The following MERTK variants were observed in gnomAD, a reference collection of about 807,000 sequenced individuals.
MERTK encodes the protein MER proto-oncogene, tyrosine kinase.
A neutral mutation model predicts 99.3 loss-of-function variants in MERTK; 69 were observed. That is an observed-to-expected ratio of 0.70 (90% CI 0.57 to 0.85). MERTK has a LOEUF of 0.85. MERTK is among the 40% of genes least tolerant of loss of function. MERTK has a pLI of 0.00. For missense variants in MERTK, 1,125 were observed against 1,249.4 expected, an observed-to-expected ratio of 0.90 and a Z score of 1.50; for synonymous variants, 426 against 467.6, an observed-to-expected ratio of 0.91 and a Z score of 1.15.
At chr2:111,910,419 G>A (rs1209533820) in intron 1 of MERTK, among the ~76,000 whole-genome samples, 1 of 151,980 alleles carries the variant, frequency 6.6e-6, no homozygotes, top group East Asian at 1.9e-4. Context: ...ACAGGCGCCT[G>A]CCACCACGCC....
chr2:112,017,014 T>C (rs907767703), intron 15 of MERTK, among the ~76,000 whole-genome samples: 3 of 152,128 alleles, frequency 2.0e-5, no homozygotes, highest in Admixed American at 6.5e-5. Context: ...AGCAGCAAGA[T>C]TTATTGTGAA....
chr2:111,969,218 C>T lies in MERTK; in HGVS notation c.960+966C>T, dbSNP rs537881392. ...CAGGGGCTTTGCAAACATTATCTTA[C>T]TTAACACACGCTGCACTGCAGGCTC... is the stretch of plus-strand genomic sequence containing the variant. On this transcript the variant is annotated intron_variant, in intron 6 of 18. Transcript: ENST00000295408. Among the ~76,000 whole-genome samples the T allele has an allele frequency of 2.6e-5, 4 of 152,236 alleles. No individual in the cohort carries two copies. In the East Asian group the frequency reaches 7.7e-4, roughly 29 times the overall value.
chr2:111,921,873 G>C (rs1996330), intron 1 of MERTK, among the ~76,000 whole-genome samples: 79,449 of 151,918 alleles, frequency 0.52, 20,931 homozygotes, highest in Middle Eastern at 0.56. Context: ...GAGCCACCAC[G>C]CCTAGCCTGG....
At chr2:111,987,089 A>G (rs1573621720) in intron 8 of MERTK, among the ~76,000 whole-genome samples, 2 of 152,362 alleles carry the variant, frequency 1.3e-5, no homozygotes, top group East Asian at 3.9e-4. Flanking sequence ...TTTCATTTTT[A>G]GATAACTGAT....
In MERTK at chr2:112,029,367, A is replaced by G. The variant is rs1457989822; in HGVS notation, c.*503A>G. On this transcript the variant is annotated 3_prime_UTR_variant, in exon 19 of 19. Coordinates refer to ENST00000295408, the MANE Select transcript of MERTK (RefSeq NM_006343.3). Reference sequence around the variant, plus strand: ...CTTCCTAATAAAATATGAATAAGGAAGGATATGTTGAACTTACTTGAGACT... The same window carrying G: ...CTTCCTAATAAAATATGAATAAGGAGGGATATGTTGAACTTACTTGAGACT... 1.1e-6 allele frequency: 1 copy of G among 939,688 alleles called. No homozygotes were observed. The highest frequency in any genetic ancestry group is 1.8e-5 in the African/African-American group (1 of 56,116). The allele number at this position is 939,688 out of a possible 1,614,324, so 58.2% of individuals were successfully genotyped here.
At chr2:111,947,180 G>T (rs1684974088) in intron 3 of MERTK, among the ~76,000 whole-genome samples, 1 of 152,110 alleles carries the variant, frequency 6.6e-6, no homozygotes, top group South Asian at 2.1e-4. Flanking sequence ...GGCTGAGGCA[G>T]GAGAATCACT....
intron 10 of MERTK, among the ~76,000 whole-genome samples, chr2:112,000,208 AG>A (rs974485710): frequency 4.6e-4 from 70 of 152,326 alleles, no homozygotes; most frequent in Admixed American, 2.6e-3. Context: ...TGCAGGTCAC[AG>A]GGGATATGAT....
intron 14 of MERTK, among the ~76,000 whole-genome samples, chr2:112,009,556 C>CTT (rs1381244823): frequency 6.6e-6 from 1 of 152,188 alleles, no homozygotes; most frequent in East Asian, 1.9e-4. Context: ...TCAGTATTGA[C>CTT]TTTGAGGGTT....
chr2:112,006,200 T>A (rs760446725), intron 13 of MERTK, among the ~76,000 whole-genome samples: 3 of 152,058 alleles, frequency 2.0e-5, no homozygotes, highest in Non-Finnish European at 2.9e-5. Context: ...GAAGCTTAAT[T>A]CAGCTATAAA....
chr2:111,951,354 C>A (rs1685051322), intron 4 of MERTK, among the ~76,000 whole-genome samples: 1 of 151,750 alleles, frequency 6.6e-6, no homozygotes, highest in South Asian at 2.1e-4. Flanking sequence ...CGGTTCTATT[C>A]TTTGTTTCTG....
At chr2:112,026,774 T>C (rs1290281575) in intron 18 of MERTK, among the ~76,000 whole-genome samples, 1 of 152,216 alleles carries the variant, frequency 6.6e-6, no homozygotes, top group African/African-American at 2.4e-5. Flanking sequence ...GATATTATTA[T>C]ACATCTACGT....
At chr2:112,001,433 T>A in intron 11 of MERTK, 147 bp downstream of exon 11, 1 of 729,942 alleles carries the variant, frequency 1.4e-6, no homozygotes, top group Non-Finnish European at 2.4e-6. Flanking sequence ...AAGCAGCAAG[T>A]AGATAGCCAG....
In MERTK at chr2:112,029,417, C is replaced by T; in HGVS notation, c.*553C>T. The T allele has an allele frequency of 1.2e-6, 1 of 848,310 alleles. No individual in the cohort carries two copies. The highest frequency in any genetic ancestry group is 5.4e-5 in the South Asian group (1 of 18,514). 52.5% of individuals were successfully genotyped at this position (848,310 alleles called of 1,614,324 possible). A position where few individuals can be genotyped will look rare whatever the true frequency, so the allele number is the denominator to read the frequency against. ...TTGAAAGACAGTGGTCGGCAGCGGCCTTGTGGCCTTTGCAAAGGAATTCCC... is the reference window on the plus strand; with the variant it reads ...TTGAAAGACAGTGGTCGGCAGCGGCTTTGTGGCCTTTGCAAAGGAATTCCC... On this transcript the variant is annotated 3_prime_UTR_variant, in exon 19 of 19. Coordinates refer to ENST00000295408, the MANE Select transcript of MERTK (RefSeq NM_006343.3).
chr2:111,966,512 A>G (rs1195742387), intron 5 of MERTK, among the ~76,000 whole-genome samples: 1 of 152,232 alleles, frequency 6.6e-6, no homozygotes, highest in Non-Finnish European at 1.5e-5. Context: ...ATTTTCATGA[A>G]GTATAAACCT....
At chr2:111,991,472 C>T (rs899507504) in intron 8 of MERTK, among the ~76,000 whole-genome samples, 4 of 152,178 alleles carry the variant, frequency 2.6e-5, no homozygotes, top group African/African-American at 9.6e-5. Context: ...GTTATCTGCC[C>T]ACCTCAGCCT....
At chr2:112,014,610 A>G (rs1677179353) in intron 15 of MERTK, among the ~76,000 whole-genome samples, 1 of 152,022 alleles carries the variant, frequency 6.6e-6, no homozygotes, top group Non-Finnish European at 1.5e-5. Flanking sequence ...AGAATGTTAC[A>G]TAAATGGAGT....
intron 7 of MERTK, among the ~76,000 whole-genome samples, chr2:111,981,628 G>A (rs1224748141): frequency 1.3e-5 from 2 of 152,090 alleles, no homozygotes; most frequent in African/African-American, 2.4e-5. Context: ...TGGTCAGAGA[G>A]CATATTATTT....
chr2:111,978,155 GT>G (rs1026087344), intron 7 of MERTK, among the ~76,000 whole-genome samples: 28 of 135,558 alleles, frequency 2.1e-4, no homozygotes, highest in Admixed American at 2.2e-4. Flanking sequence ...GTTGTTTTTT[GT>G]TTTTTTTTTT....
intron 11 of MERTK, among the ~76,000 whole-genome samples, chr2:112,001,538 A>C (rs1184044246): frequency 2.0e-5 from 3 of 152,200 alleles, no homozygotes; most frequent in African/African-American, 7.2e-5. Flanking sequence ...TGTGGCAGAA[A>C]AGAGGAACCT....
Sources: gnomAD v4.1 joint callset for allele counts (sites outside exome capture counted in the v4.1 genomes callset) on GRCh38, gnomAD v4.1.1 for gene constraint, MANE v1.5 for transcripts, NCBI Gene and HGNC (gene_info 2026-07-23, HGNC 2026-07-21) for gene names.